RERE: variants seen among roughly 807,000 people sequenced by gnomAD.
The protein encoded by RERE is arginine-glutamic acid dipeptide repeats, also known as arginine-glutamic acid dipeptide repeats protein.
Under a neutral mutation model 146.1 loss-of-function variants are expected in RERE, and 40 were observed. That is an observed-to-expected ratio of 0.27 (90% confidence interval 0.21 to 0.36). RERE has a LOEUF of 0.36. Among genes scored for constraint, RERE ranks in the 10% least tolerant of loss-of-function variants. RERE has a pLI of 1.00. For synonymous variants in RERE, 1,003 were observed against 866.0 expected (o/e 1.16, Z -2.78); for missense variants, 1,933 against 2,138.7 (o/e 0.90, Z 1.90).
chr1:8,592,689 C>T (rs757957759), intron 4 of RERE, among the ~76,000 whole-genome samples: 2 of 152,086 alleles, frequency 1.3e-5, no homozygotes, highest in Non-Finnish European at 2.9e-5. Flanking sequence ...CAAGACTAGC[C>T]TGGGAAACAT....
chr1:8,376,240 A>T (rs1642247864), intron 12 of RERE, among the ~76,000 whole-genome samples: 1 of 152,214 alleles, frequency 6.6e-6, no homozygotes, highest in Non-Finnish European at 1.5e-5. Context: ...ACGCAATAGC[A>T]TCTTAATCTT....
intron 7 of RERE, among the ~76,000 whole-genome samples, chr1:8,521,049 G>A (rs553413206): frequency 2.5e-4 from 38 of 151,752 alleles, no homozygotes; most frequent in African/African-American, 7.7e-4. Context: ...AGAAGGAAGA[G>A]AACACAAACA....
At chr1:8,760,043 G>T (rs1204997950) in intron 1 of RERE, among the ~76,000 whole-genome samples, 1 of 151,922 alleles carries the variant, frequency 6.6e-6, no homozygotes, top group African/African-American at 2.4e-5. Context: ...TTGTTTTTTT[G>T]AGATGGAGTT....
chr1:8,509,434 A>ATCCATCCATCCG (rs986611275), intron 7 of RERE, among the ~76,000 whole-genome samples: 2 of 115,734 alleles, frequency 1.7e-5, no homozygotes, highest in African/African-American at 5.2e-5. Context: ...CCATCCATCC[A>ATCCATCCATCCG]TCCGTCCGTC....
chr1:8,790,515 C>G (rs1245380796), intron 1 of RERE, among the ~76,000 whole-genome samples: 2 of 152,148 alleles, frequency 1.3e-5, no homozygotes, highest in African/African-American at 4.8e-5. Flanking sequence ...TTATAAGATG[C>G]TAATGAATTA....
At position 8,711,331 on chromosome 1, in the gene RERE, G is replaced by A. The variant is rs572665126; in HGVS notation, c.-144-54890C>T. Reference sequence around the variant, plus strand: ...ATCACAGCAAACTGTTATGACATTAGTCATCAATCGAAGGTCAGGCCTGGA... The same window carrying A: ...ATCACAGCAAACTGTTATGACATTAATCATCAATCGAAGGTCAGGCCTGGA... On this transcript the variant is annotated intron_variant, in intron 1 of 22. Coordinates refer to ENST00000400908, the MANE Select transcript of RERE (RefSeq NM_001042681.2). 2.6e-3 allele frequency among the ~76,000 whole-genome samples: 394 copies of A among 152,222 alleles called. 2 individuals carry two copies. Among genetic ancestry groups the A allele is most frequent in the African/African-American group, 9.0e-3 (374 of 41,526 alleles).
intron 4 of RERE, among the ~76,000 whole-genome samples, chr1:8,580,210 C>A (rs1398163451): frequency 6.6e-6 from 1 of 152,142 alleles, no homozygotes; most frequent in Non-Finnish European, 1.5e-5. Context: ...GGCAAACTTA[C>A]ATGAAGAAAG....
intron 1 of RERE, among the ~76,000 whole-genome samples, chr1:8,667,067 T>G (rs1353867498): frequency 6.6e-6 from 1 of 152,172 alleles, no homozygotes; most frequent in Non-Finnish European, 1.5e-5. Context: ...AGGACTGGGT[T>G]TAATGCTGAT....
chr1:8,371,708 T>TAAAG (rs1295557179), intron 12 of RERE, among the ~76,000 whole-genome samples: 1 of 152,224 alleles, frequency 6.6e-6, no homozygotes, highest in African/African-American at 2.4e-5. Flanking sequence ...AGCACAGGTC[T>TAAAG]TTAAGAGCTC....
chr1:8,553,697 T>G (rs1645968217), intron 6 of RERE, among the ~76,000 whole-genome samples: 1 of 152,130 alleles, frequency 6.6e-6, no homozygotes, highest in Admixed American at 6.5e-5. Flanking sequence ...AGGATTATAA[T>G]TATATACCCA....
At chr1:8,483,553 T>C (rs1043382221) in intron 10 of RERE, among the ~76,000 whole-genome samples, 7 of 152,248 alleles carry the variant, frequency 4.6e-5, no homozygotes, top group African/African-American at 1.7e-4. Context: ...GCCAACTTCC[T>C]AACATCAATT....
chr1:8,478,005 A>C (rs897344648), intron 10 of RERE, among the ~76,000 whole-genome samples: 1 of 152,232 alleles, frequency 6.6e-6, no homozygotes, highest in South Asian at 2.1e-4. Context: ...TGGGCAACCA[A>C]AACAGTGTCC....
At chr1:8,645,588 G>T (rs867306091) in intron 2 of RERE, among the ~76,000 whole-genome samples, 3 of 152,186 alleles carry the variant, frequency 2.0e-5, no homozygotes, top group African/African-American at 7.2e-5. Flanking sequence ...TGATTCAGCA[G>T]ATTGGGGGCG....
intron 7 of RERE, among the ~76,000 whole-genome samples, chr1:8,531,923 T>TTTAAAAATAA (rs1645659175): frequency 6.6e-6 from 1 of 152,182 alleles, no homozygotes; most frequent in Non-Finnish European, 1.5e-5. Context: ...ATAACTAAAA[T>TTTAAAAATAA]AGTATAATTG....
intron 12 of RERE, among the ~76,000 whole-genome samples, chr1:8,417,622 A>G (rs1296846904): frequency 1.3e-5 from 2 of 152,100 alleles, no homozygotes; most frequent in African/African-American, 4.8e-5. Context: ...AGACTAAATT[A>G]TAAGAAGAGC....
intron 3 of RERE, among the ~76,000 whole-genome samples, chr1:8,616,921 T>C (rs1646858545): frequency 6.6e-6 from 1 of 152,206 alleles, no homozygotes; most frequent in Non-Finnish European, 1.5e-5. Flanking sequence ...CACTAGAGGT[T>C]GACATCAGTA....
rs1641189664 is a variant in RERE at position 8,353,831 on chromosome 1, C to CA, written c.*1255dup. 6.6e-6 allele frequency: 1 copy of CA among 152,464 alleles called. No individual in the cohort carries two copies. Among genetic ancestry groups the CA allele is most frequent in the South Asian group, 2.1e-4 (1 of 4,830 alleles). 9.4% of individuals were successfully genotyped at this position (152,464 alleles called of 1,614,324 possible). A position where few individuals can be genotyped will look rare whatever the true frequency, so the allele number is the denominator to read the frequency against. ...CCTAGGGTAAAATACAGGCTGCCCC[C>CA]AACACCTGTCTTAACTCCAGGATCT... On this transcript the variant is annotated 3_prime_UTR_variant, in exon 23 of 23. Coordinates refer to ENST00000400908, the MANE Select transcript of RERE (RefSeq NM_001042681.2).
At chr1:8,652,487 C>T (rs543256224) in intron 2 of RERE, among the ~76,000 whole-genome samples, 3 of 152,260 alleles carry the variant, frequency 2.0e-5, no homozygotes, top group East Asian at 1.9e-4. Context: ...TCCATTCTCA[C>T]GCTGCTATAA....
At chr1:8,614,534 A>G (rs1646828928) in intron 4 of RERE, 27 bp downstream of exon 4, 2 of 1,598,858 alleles carry the variant, frequency 1.3e-6, no homozygotes, top group Non-Finnish European at 8.5e-7. Context: ...AAATACTGAT[A>G]GCTTTTAAAA....
Sources: allele counts gnomAD v4.1 joint callset (sites outside exome capture counted in the v4.1 genomes callset), GRCh38; gene constraint gnomAD v4.1.1; transcripts MANE v1.5; gene names NCBI Gene and HGNC (gene_info 2026-07-23, HGNC 2026-07-21).